MTARC2: variants seen among roughly 807,000 people sequenced by gnomAD.
MTARC2 encodes the protein mitochondrial amidoxime reducing component 2.
In MTARC2, 27 loss-of-function variants were observed where a neutral mutation model predicts 35.6. The ratio of observed to expected loss-of-function variants is 0.76; its 90% CI spans 0.56 to 1.04. The LOEUF (loss-of-function observed/expected upper bound fraction) is 1.04, where lower values mean the gene tolerates loss of function less well. Ranked by LOEUF, MTARC2 falls within the 50% of genes least tolerant of loss-of-function variation. The probability of loss-of-function intolerance (pLI) is 0.00; values close to 1 mark genes in which losing one functional copy is unlikely to be tolerated. For missense variants in MTARC2, 412 were observed against 432.5 expected (o/e 0.95, Z 0.42); for synonymous variants, 158 against 167.1 (o/e 0.95, Z 0.42).
At chr1:220,768,396 C>A (rs1208908109) in intron 4 of MTARC2, among the ~76,000 whole-genome samples, 1 of 152,060 alleles carries the variant, frequency 6.6e-6, no homozygotes, top group African/African-American at 2.4e-5. Context: ...TGTCTGATAG[C>A]CATTGAGGCG....
chr1:220,762,635 G>A (rs3795536), intron 3 of MTARC2, among the ~76,000 whole-genome samples: 44,307 of 151,934 alleles, frequency 0.29, 7,531 homozygotes, highest in East Asian at 0.69. Flanking sequence ...GAAGGGGGTC[G>A]CTGCTGGAGT....
chr1:220,763,106 A>T, intron 4 of MTARC2, 56 bp downstream of exon 4: 1 of 1,613,234 alleles, frequency 6.2e-7, no homozygotes, highest in South Asian at 1.1e-5. Context: ...CGCGGTGCTA[A>T]GGGAACTCTG....
chr1:220,759,736 T>C (rs918987426), intron 2 of MTARC2, among the ~76,000 whole-genome samples: 4 of 151,986 alleles, frequency 2.6e-5, no homozygotes, highest in African/African-American at 9.7e-5. Context: ...CAGGAGAGGA[T>C]CATGAGATGT....
chr1:220,756,285 T>C (rs1671278805), intron 2 of MTARC2: 1 of 152,260 alleles, frequency 6.6e-6, no homozygotes, highest in Admixed American at 6.5e-5. Flanking sequence ...GTCCCAGGGC[T>C]CAGAGGGGAG....
chr1:220,751,194 G>T (rs2102540225), intron 1 of MTARC2, among the ~76,000 whole-genome samples: 1 of 152,226 alleles, frequency 6.6e-6, no homozygotes, highest in South Asian at 2.1e-4. Flanking sequence ...CCAAGGAGCT[G>T]GGATTTTCCT....
At chr1:220,780,314 G>A (rs1672035312) in intron 6 of MTARC2, 75 bp downstream of exon 6, 2 of 1,299,528 alleles carry the variant, frequency 1.5e-6, no homozygotes, top group East Asian at 4.8e-5. Flanking sequence ...TAGGTGCTAT[G>A]TCTGCTTTAG....
chr1:220,781,922 A>AG lies in MTARC2; in HGVS notation c.*24dup, dbSNP rs766445212. On this transcript the variant is annotated 3_prime_UTR_variant, in exon 7 of 8. Coordinates refer to ENST00000366913, the MANE Select transcript of MTARC2 (RefSeq NM_017898.5). ...TGTAGTGATGAGTGATGGATCCACT[A>AG]GGGTGATATGGTAAAGGGTCAGCTT... 1 of 1,612,630 alleles carries AG rather than the reference A, an allele frequency of 6.2e-7. No homozygotes were observed. The highest frequency in any genetic ancestry group is 8.5e-7 in the Non-Finnish European group (1 of 1,179,082).
rs73102245 is a variant in MTARC2 at position 220,778,119 on chromosome 1, G to C, written c.751-1899G>C. Among the ~76,000 whole-genome samples the C allele has an allele frequency of 9.8e-3, 1,484 of 152,074 alleles. 24 individuals are homozygous for C. The highest frequency in any genetic ancestry group is 0.034 in the African/African-American group (1,426 of 41,476). On this transcript the variant is annotated intron_variant, in intron 4 of 7. Coordinates refer to ENST00000366913, the MANE Select transcript of MTARC2 (RefSeq NM_017898.5). ...TTAACCGGGCATGGTGGCACTGCCT[G>C]TCATCTCAGCTACTCAGGAGGCTGA...
chr1:220,749,783 G>T (rs1671083620), intron 1 of MTARC2, among the ~76,000 whole-genome samples: 1 of 152,210 alleles, frequency 6.6e-6, no homozygotes, highest in Admixed American at 6.5e-5. Flanking sequence ...TGTGTCCGAG[G>T]GGAGGGAGGT....
chr1:220,762,368 A>G (rs1247880340), intron 3 of MTARC2, among the ~76,000 whole-genome samples: 1 of 152,202 alleles, frequency 6.6e-6, no homozygotes, highest in Non-Finnish European at 1.5e-5. Flanking sequence ...TCAGTGCAAA[A>G]GACCAAAGCC....
At chr1:220,764,044 C>T (rs927542382) in intron 4 of MTARC2, among the ~76,000 whole-genome samples, 1 of 152,106 alleles carries the variant, frequency 6.6e-6, no homozygotes, top group South Asian at 2.1e-4. Context: ...CAATTCTTTG[C>T]TCCCCTGAAT....
intron 4 of MTARC2, among the ~76,000 whole-genome samples, chr1:220,769,625 G>A (rs1477355130): frequency 2.6e-5 from 4 of 152,088 alleles, no homozygotes; most frequent in African/African-American, 9.7e-5. Flanking sequence ...ATCATCGTGA[G>A]CTTGGCCTTA....
At chr1:220,753,049 C>CCAA (rs1671168706) in intron 1 of MTARC2, among the ~76,000 whole-genome samples, 2 of 82,286 alleles carry the variant, frequency 2.4e-5, no homozygotes, top group African/African-American at 1.6e-4. Flanking sequence ...CCTGTCTCTA[C>CCAA]TAAAAAAAAA....
intron 4 of MTARC2, among the ~76,000 whole-genome samples, chr1:220,774,198 T>C (rs4480363): frequency 0.024 from 3,602 of 152,038 alleles, 110 homozygotes; most frequent in African/African-American, 0.064. Flanking sequence ...TCCTGAGTAG[T>C]TAGGACCACA....
At chr1:220,768,019 G>T (rs1001112371) in intron 4 of MTARC2, among the ~76,000 whole-genome samples, 4 of 152,204 alleles carry the variant, frequency 2.6e-5, no homozygotes, top group Non-Finnish European at 5.9e-5. Context: ...AGGCTTCAGG[G>T]ATTTCTTGAA....
chr1:220,756,603 T>A (rs993488717), intron 2 of MTARC2, among the ~76,000 whole-genome samples: 3 of 152,206 alleles, frequency 2.0e-5, no homozygotes, highest in Non-Finnish European at 4.4e-5. Context: ...AATGACAGGT[T>A]TTGAGCCCAT....
At chr1:220,754,158 C>T (rs1289635330) in intron 1 of MTARC2, among the ~76,000 whole-genome samples, 1 of 152,192 alleles carries the variant, frequency 6.6e-6, no homozygotes, top group Non-Finnish European at 1.5e-5. Context: ...TTTGGCAACA[C>T]AGTCTTTTGT....
At chr1:220,771,234 G>A (rs918531195) in intron 4 of MTARC2, among the ~76,000 whole-genome samples, 2 of 146,506 alleles carry the variant, frequency 1.4e-5, no homozygotes, top group African/African-American at 2.6e-5. Flanking sequence ...TGGAGGCAGA[G>A]GTTGCAGTGA....
Position 220,769,934 on chromosome 1 carries a change from C to CAAAAAAAAAAAAAAAAA in MTARC2, c.750+6891_750+6907dup, listed in dbSNP as rs57739324. ...TGAAACTCCATCTCTACTAAAAATA[C>CAAAAAAAAAAAAAAAAA]AAAAAAAAAAAAAAAAAAAAAAATT... is the stretch of plus-strand genomic sequence containing the variant. On this transcript the variant is annotated intron_variant, in intron 4 of 7. Coordinates refer to ENST00000366913, the MANE Select transcript of MTARC2 (RefSeq NM_017898.5). Among the ~76,000 whole-genome samples, 41 of 63,416 alleles carry CAAAAAAAAAAAAAAAAA rather than the reference C, an allele frequency of 6.5e-4. 4 individuals are homozygous for CAAAAAAAAAAAAAAAAA. The highest frequency in any genetic ancestry group is 5.5e-3 in the East Asian group (8 of 1,450). The allele number at this position is 63,416 out of a possible 152,430, so 41.6% of individuals were successfully genotyped here. A position where few individuals can be genotyped will look rare whatever the true frequency, so the allele number is the denominator to read the frequency against.
Sources: gnomAD v4.1 joint callset for allele counts (sites outside exome capture counted in the v4.1 genomes callset) on GRCh38, gnomAD v4.1.1 for gene constraint, MANE v1.5 for transcripts, NCBI Gene and HGNC (gene_info 2026-07-23, HGNC 2026-07-21) for gene names.